The following CTNNA3 variants were observed in gnomAD, a reference collection of about 807,000 sequenced individuals.
CTNNA3 encodes catenin alpha 3.
In CTNNA3, 76 loss-of-function variants were observed where a neutral mutation model predicts 95.7. The observed-to-expected ratio is 0.79, with a 90% CI of 0.66 to 0.96. The LOEUF is 0.96. Among genes scored for constraint, CTNNA3 ranks in the 40% least tolerant of loss-of-function variants. The pLI is 0.00. For synonymous variants in CTNNA3, 431 were observed against 374.4 expected (o/e 1.15, Z -1.74); for missense variants, 1,191 against 1,089.8 (o/e 1.09, Z -1.31).
chr10:66,530,846 G>A (rs776983011), intron 10 of CTNNA3, among the ~76,000 whole-genome samples: 2 of 152,146 alleles, frequency 1.3e-5, no homozygotes, highest in Middle Eastern at 3.4e-3. Context: ...CCTATTCTAG[G>A]GGTTAAAAGT....
intron 6 of CTNNA3, among the ~76,000 whole-genome samples, chr10:67,211,566 A>G (rs1200184374): frequency 6.6e-6 from 1 of 152,216 alleles, no homozygotes; most frequent in African/African-American, 2.4e-5. Flanking sequence ...TTCAATAAAT[A>G]TGTTTAAAGC....
chr10:66,739,602 C>A (rs541291058), intron 9 of CTNNA3, among the ~76,000 whole-genome samples: 3 of 152,014 alleles, frequency 2.0e-5, no homozygotes, highest in African/African-American at 7.2e-5. Context: ...TTAAGATTAT[C>A]TTATATATAG....
chr10:67,258,414 G>A (rs993075896), intron 5 of CTNNA3, among the ~76,000 whole-genome samples: 32 of 152,144 alleles, frequency 2.1e-4, no homozygotes, highest in African/African-American at 7.2e-4. Flanking sequence ...AAAGTGCTGC[G>A]ATTACAGGTG....
intron 11 of CTNNA3, among the ~76,000 whole-genome samples, chr10:66,515,685 A>G (rs1337276343): frequency 6.6e-6 from 1 of 152,112 alleles, no homozygotes; most frequent in Non-Finnish European, 1.5e-5. Flanking sequence ...TGGAAGGGGA[A>G]GCAAACACAT....
At chr10:67,406,767 A>G (rs1328297408) in intron 5 of CTNNA3, among the ~76,000 whole-genome samples, 1 of 152,108 alleles carries the variant, frequency 6.6e-6, no homozygotes, top group East Asian at 1.9e-4. Flanking sequence ...AATAAAAACG[A>G]CCATGAGAGA....
rs540942796 is a variant in CTNNA3 at position 66,327,243 on chromosome 10, T to A, written c.1733-46622A>T. Among the ~76,000 whole-genome samples the A allele has an allele frequency of 4.5e-4, 69 of 152,206 alleles. 1 individual carries two copies. In the South Asian group the frequency reaches 0.014, roughly 31 times the overall value. Reference sequence around the variant, plus strand: ...TTTAAAAGCCAGCAACTGTGAATGTTCAAATAGGAATGTTCCTGCTATCAA... The same window carrying A: ...TTTAAAAGCCAGCAACTGTGAATGTACAAATAGGAATGTTCCTGCTATCAA... On this transcript the variant is annotated intron_variant, in intron 12 of 17. Coordinates refer to ENST00000433211, the MANE Select transcript of CTNNA3 (RefSeq NM_013266.4).
chr10:66,595,037 G>T (rs1372311902), intron 10 of CTNNA3, among the ~76,000 whole-genome samples: 1 of 151,920 alleles, frequency 6.6e-6, no homozygotes, highest in Non-Finnish European at 1.5e-5. Flanking sequence ...TGTGGAACTG[G>T]AGATCCCAGC....
chr10:67,306,226 G>A (rs1472623452), intron 5 of CTNNA3, among the ~76,000 whole-genome samples: 2 of 152,090 alleles, frequency 1.3e-5, no homozygotes, highest in African/African-American at 4.8e-5. Flanking sequence ...GGGAGGAACT[G>A]GAACCTTCAT....
intron 7 of CTNNA3, among the ~76,000 whole-genome samples, chr10:67,128,484 C>T (rs950014074): frequency 2.6e-5 from 4 of 151,718 alleles, no homozygotes; most frequent in Non-Finnish European, 5.9e-5. Flanking sequence ...CCCAGGTTAA[C>T]AAAACTAGTA....
intron 2 of CTNNA3, among the ~76,000 whole-genome samples, chr10:67,639,287 C>T (rs368391384): frequency 3.3e-5 from 5 of 152,062 alleles, no homozygotes; most frequent in African/African-American, 1.2e-4. Flanking sequence ...ACACATACAC[C>T]CTCCCAAGAC....
In CTNNA3 at chr10:67,669,864, C is replaced by A. The variant is rs148134361; in HGVS notation, c.-5-22346G>T. Among the ~76,000 whole-genome samples, 553 of 152,226 alleles carry A rather than the reference C, an allele frequency of 3.6e-3. 5 individuals carry two copies. Among genetic ancestry groups the A allele is most frequent in the African/African-American group, 0.012 (519 of 41,530 alleles). Reference sequence around the variant, plus strand: ...CTTTATTTAGCAAATTGAATCCATGCCATCAATGGAAGTCTTCTACTCCAT... The same window carrying A: ...CTTTATTTAGCAAATTGAATCCATGACATCAATGGAAGTCTTCTACTCCAT... On this transcript the variant is annotated intron_variant, in intron 1 of 17. Transcript: ENST00000433211.
chr10:66,614,443 C>A (rs187009009), intron 10 of CTNNA3, among the ~76,000 whole-genome samples: 28 of 152,138 alleles, frequency 1.8e-4, no homozygotes, highest in Non-Finnish European at 3.2e-4. Context: ...GAGTTTATGG[C>A]TTTCCATGCT....
At chr10:66,009,710 T>C (rs74143647) in intron 15 of CTNNA3, among the ~76,000 whole-genome samples, 193 of 152,326 alleles carry the variant, frequency 1.3e-3, no homozygotes, top group African/African-American at 4.4e-3. Context: ...CATACCTCTT[T>C]TGAGATTGTC....
intron 5 of CTNNA3, among the ~76,000 whole-genome samples, chr10:67,242,100 C>A (rs1401755558): frequency 6.6e-6 from 1 of 152,170 alleles, no homozygotes; most frequent in African/African-American, 2.4e-5. Flanking sequence ...ATATTTCAGG[C>A]ATATCTTCCT....
chr10:67,280,844 ACTGT>A (rs956203310), intron 5 of CTNNA3, among the ~76,000 whole-genome samples: 5 of 152,074 alleles, frequency 3.3e-5, no homozygotes, highest in Admixed American at 6.6e-5. Flanking sequence ...ATAAGCTTCA[ACTGT>A]CTGTCTGTTT....
chr10:67,163,696 A>G (rs1235809810), intron 7 of CTNNA3, among the ~76,000 whole-genome samples: 1 of 152,018 alleles, frequency 6.6e-6, no homozygotes, highest in Non-Finnish European at 1.5e-5. Context: ...CCTACTATCT[A>G]TACATGACAT....
intron 7 of CTNNA3, among the ~76,000 whole-genome samples, chr10:66,971,299 G>A (rs1448666833): frequency 6.6e-6 from 1 of 152,050 alleles, no homozygotes; most frequent in Non-Finnish European, 1.5e-5. Context: ...GGTTGTGTGA[G>A]CCTGTAATTC....
At chr10:66,602,337 A>G (rs1843957652) in intron 10 of CTNNA3, among the ~76,000 whole-genome samples, 3 of 152,014 alleles carry the variant, frequency 2.0e-5, no homozygotes, top group Non-Finnish European at 1.5e-5. Context: ...CACTAACATT[A>G]CCTTCTGAAT....
At chr10:66,026,647 C>G (rs1441491306) in intron 15 of CTNNA3, among the ~76,000 whole-genome samples, 1 of 151,960 alleles carries the variant, frequency 6.6e-6, no homozygotes, top group East Asian at 1.9e-4. Context: ...GGCTGAGCAA[C>G]AAACTGTGTC....
Sources: gnomAD v4.1 joint callset for allele counts (sites outside exome capture counted in the v4.1 genomes callset) on GRCh38, gnomAD v4.1.1 for gene constraint, MANE v1.5 for transcripts, NCBI Gene and HGNC (gene_info 2026-07-23, HGNC 2026-07-21) for gene names.